Variants in KDM5B observed in about 807,000 individuals in gnomAD.
KDM5B encodes the protein lysine-specific demethylase 5B.
In KDM5B, 144 loss-of-function variants were observed where a neutral mutation model predicts 193.4. The observed-to-expected ratio is 0.74, with a 90% CI of 0.65 to 0.86. KDM5B has a LOEUF of 0.86. KDM5B is among the 40% of genes least tolerant of loss of function. The pLI, the probability that KDM5B is intolerant of heterozygous loss-of-function variation, is 0.00. For missense variants in KDM5B, 1,833 were observed against 1,886.9 expected (o/e 0.97, Z 0.53); for synonymous variants, 668 against 682.6 (o/e 0.98, Z 0.33).
intron 16 of KDM5B, among the ~76,000 whole-genome samples, chr1:202,745,172 T>C (rs1190167538): frequency 6.6e-6 from 1 of 152,066 alleles, no homozygotes; most frequent in Non-Finnish European, 1.5e-5. Context: ...TGGAGCCTAT[T>C]GGAGGGTGGA....
At chr1:202,767,173 G>A (rs1462160330) in intron 4 of KDM5B, 113 bp from the exon 5 acceptor site, 1 of 1,554,342 alleles carries the variant, frequency 6.4e-7, no homozygotes, top group African/African-American at 1.4e-5. Flanking sequence ...TACTTCCAGA[G>A]GCTGCACCTC....
In KDM5B at chr1:202,729,715, C is replaced by T. The variant is rs1279023419; in HGVS notation, c.4489G>A (p.Gly1497Arg). 3 of 1,613,050 alleles carry T rather than the reference C, an allele frequency of 1.9e-6. No individual in the cohort carries two copies. Among genetic ancestry groups the T allele is most frequent in the South Asian group, 2.2e-5 (2 of 90,878 alleles). Residue 1497 changes from glycine (G) to arginine (R), a missense_variant, in exon 26 of 27, where the codon GGA becomes AGA. By Grantham distance (125) the Gly-to-Arg change is moderately radical (BLOSUM62 -2). This residue lies in a region of KDM5B where 1,379 missense variants were observed against 1,349.6 expected (regional missense o/e 1.02). Coordinates refer to ENST00000367265, the MANE Select transcript of KDM5B (RefSeq NM_006618.5). ...GCCCAAACCTCACTGACCTCATCTC[C>T]TTCTGGCTGCAGGCAGCTCACAGCT... is the stretch of plus-strand genomic sequence containing the variant. ...CPAVSCLQPE[G>R]DEVDWVQCDG...
rs1654712173 is a variant in KDM5B, at chr1:202,727,385, A to G, written c.*1651T>C. ...GAGAAACATCACAACAACTGCAGAAAACTGCAGACAACTAGAAGTCATTCT... is the reference window on the plus strand; with the variant it reads ...GAGAAACATCACAACAACTGCAGAAGACTGCAGACAACTAGAAGTCATTCT... On this transcript the variant is annotated 3_prime_UTR_variant, in exon 27 of 27. Coordinates refer to ENST00000367265, the MANE Select transcript of KDM5B (RefSeq NM_006618.5). 1 of 152,546 alleles carries G rather than the reference A, an allele frequency of 6.6e-6. No homozygotes were observed. The highest frequency in any genetic ancestry group is 2.4e-5 in the African/African-American group (1 of 41,454). 9.4% of individuals were successfully genotyped at this position (152,546 alleles called of 1,614,324 possible).
In KDM5B at chr1:202,745,905, G is replaced by A; in HGVS notation, c.2276C>T (p.Ala759Val). 6.2e-7 allele frequency: 1 copy of A among 1,613,832 alleles called. No homozygotes were observed. The highest frequency in any genetic ancestry group is 8.5e-7 in the Non-Finnish European group (1 of 1,179,836). The change falls in exon 16 of 27, where the codon GCC becomes GTC. Residue 759 changes from alanine (A) to valine (V), a missense_variant. This residue lies in a region of KDM5B where 1,379 missense variants were observed against 1,349.6 expected (regional missense o/e 1.02). Coordinates refer to ENST00000367265, the MANE Select transcript of KDM5B (RefSeq NM_006618.5). ...KLRAESYNEW[A>V]LNVNEALEAK... Reference sequence around the variant, plus strand: ...CTCCAAAGCTTCATTCACATTCAAGGCCCATTCGTTGTAAGATTCTGCTCG... The same window carrying A: ...CTCCAAAGCTTCATTCACATTCAAGACCCATTCGTTGTAAGATTCTGCTCG...
chr1:202,748,883 C>T (rs1194309515), intron 14 of KDM5B, 62 bp downstream of exon 14: 20 of 1,346,182 alleles, frequency 1.5e-5, no homozygotes, highest in East Asian at 1.2e-4. Flanking sequence ...TATTAAAGTG[C>T]GTAAAAATTT....
At chr1:202,756,139 T>TA (rs1656001376) in intron 10 of KDM5B, among the ~76,000 whole-genome samples, 2 of 152,324 alleles carry the variant, frequency 1.3e-5, no homozygotes, top group African/African-American at 4.8e-5. Context: ...ACCAAGGTTA[T>TA]AAAATCTGAA....
At chr1:202,800,112 C>T (rs1462589244) in intron 1 of KDM5B, among the ~76,000 whole-genome samples, 2 of 150,690 alleles carry the variant, frequency 1.3e-5, no homozygotes, top group South Asian at 2.1e-4. Flanking sequence ...GGTGCGATAT[C>T]GGCTCACTGC....
At position 202,729,000 on chromosome 1, in the gene KDM5B, AT is replaced by A; in HGVS notation, c.*35del. Reference sequence around the variant, plus strand: ...GAAATCCTCTTGGTTGGAGTCCTGAATTACATTAAGTAGGGGGGTATCTGTT... The same window carrying A: ...GAAATCCTCTTGGTTGGAGTCCTGAATACATTAAGTAGGGGGGTATCTGTT... On this transcript the variant is annotated 3_prime_UTR_variant, in exon 27 of 27. Transcript: ENST00000367265. 1.2e-6 allele frequency: 2 copies of A among 1,613,422 alleles called. No homozygotes were observed. The highest frequency in any genetic ancestry group is 1.7e-6 in the Non-Finnish European group (2 of 1,179,498).
intron 1 of KDM5B, among the ~76,000 whole-genome samples, chr1:202,794,490 T>C (rs1367435234): frequency 1.3e-5 from 2 of 152,226 alleles, no homozygotes; most frequent in Non-Finnish European, 2.9e-5. Flanking sequence ...GCCAGTGAGA[T>C]GGCAAAAATT....
At chr1:202,798,380 C>T (rs1252145759) in intron 1 of KDM5B, among the ~76,000 whole-genome samples, 3 of 151,168 alleles carry the variant, frequency 2.0e-5, no homozygotes, top group Non-Finnish European at 2.9e-5. Flanking sequence ...AGCAATCCTC[C>T]CACCTGCACC....
rs768821469 is a variant in KDM5B at position 202,745,954 on chromosome 1, G to A, written c.2227C>T (p.Pro743Ser). 2 of 1,613,772 alleles carry A rather than the reference G, an allele frequency of 1.2e-6. No homozygotes were observed. Among genetic ancestry groups the A allele is most frequent in the Admixed American group, 1.7e-5 (1 of 60,004 alleles). ...CGAAGCTTCAATGCATTCATCATAG[G>A]GTAGAGATCATCCAGCGTGTACCTA... ...RYRYTLDDLY[P>S]MMNALKLRAE... Residue 743 changes from proline to serine, a missense_variant, in exon 16 of 27, where the codon CCT becomes TCT. By Grantham distance (74) the Pro-to-Ser change is moderately conservative. Around this residue, in one of 3 missense-constraint regions of KDM5B, gnomAD observed 1,379 missense variants for 1,349.6 expected, o/e 1.02. Coordinates refer to ENST00000367265, the MANE Select transcript of KDM5B (RefSeq NM_006618.5).
chr1:202,750,636 T>C (rs1276491946), intron 13 of KDM5B, 23 bp downstream of exon 13: 2 of 1,610,018 alleles, frequency 1.2e-6, no homozygotes. Context: ...TTTGAAAAGG[T>C]TAACTACATT....
intron 1 of KDM5B, among the ~76,000 whole-genome samples, chr1:202,803,286 T>C (rs1271878944): frequency 1.3e-5 from 2 of 152,130 alleles, no homozygotes; most frequent in Non-Finnish European, 2.9e-5. Flanking sequence ...CCTATAACCA[T>C]AGGAAGGGAA....
chr1:202,731,274 T>A (rs1410618247), intron 24 of KDM5B, among the ~76,000 whole-genome samples: 1 of 152,254 alleles, frequency 6.6e-6, no homozygotes, highest in Non-Finnish European at 1.5e-5. Context: ...CTAAGTCTTC[T>A]GATTACTAGT....
intron 1 of KDM5B, among the ~76,000 whole-genome samples, chr1:202,806,149 T>C (rs1022824986): frequency 6.6e-6 from 1 of 152,146 alleles, no homozygotes; most frequent in Non-Finnish European, 1.5e-5. Context: ...AGCAACACTA[T>C]CTTTTCAGAA....
intron 10 of KDM5B, 119 bp from the exon 11 acceptor site, chr1:202,755,571 A>G: frequency 1.3e-6 from 1 of 759,248 alleles, no homozygotes; most frequent in Non-Finnish European, 2.1e-6. Context: ...AGGAGGGGCC[A>G]CCATGCTGAC....
rs1338435189 is a variant in KDM5B, at chr1:202,742,420, A to G, written c.2560T>C (p.Cys854Arg). ...QFVTQLYALP[C>R]VLSQTPLLKD... Reference sequence around the variant, plus strand: ...AGTAATGGTGTCTGACTGAGGACACATGGAAGAGCATACAGCTGTGTTACA... The same window carrying G: ...AGTAATGGTGTCTGACTGAGGACACGTGGAAGAGCATACAGCTGTGTTACA... Residue 854 changes from cysteine (C) to arginine (R), a missense_variant, in exon 18 of 27, where the codon TGT becomes CGT. Cys to Arg is a radical substitution (Grantham distance 180, BLOSUM62 -3). This residue lies in a region of KDM5B where 1,379 missense variants were observed against 1,349.6 expected (regional missense o/e 1.02). Coordinates refer to ENST00000367265, the MANE Select transcript of KDM5B (RefSeq NM_006618.5). The G allele has an allele frequency of 1.2e-6, 2 of 1,614,076 alleles. No individual in the cohort carries two copies. Among genetic ancestry groups the G allele is most frequent in the Non-Finnish European group, 1.7e-6 (2 of 1,179,924 alleles).
intron 13 of KDM5B, among the ~76,000 whole-genome samples, chr1:202,750,393 C>T (rs1655741411): frequency 6.6e-6 from 1 of 152,096 alleles, no homozygotes; most frequent in South Asian, 2.1e-4. Flanking sequence ...ATTCTCCTGC[C>T]TCAGCCTCCC....
intron 4 of KDM5B, among the ~76,000 whole-genome samples, chr1:202,770,787 G>A (rs1003834321): frequency 1.3e-5 from 2 of 152,164 alleles, no homozygotes; most frequent in Non-Finnish European, 2.9e-5. Context: ...GAAGGATCAG[G>A]AGTGATTTTA....
Sources: allele counts gnomAD v4.1 joint callset (sites outside exome capture counted in the v4.1 genomes callset), GRCh38; gene constraint gnomAD v4.1.1; regional missense constraint gnomAD v4.1.1; transcripts MANE v1.5; gene names NCBI Gene and HGNC (gene_info 2026-07-23, HGNC 2026-07-21).